ABI1: variants seen among roughly 807,000 people sequenced by gnomAD.
The protein encoded by ABI1 is abl interactor 1, also known as Abelson interactor 1.
In ABI1, 14 loss-of-function variants were observed where a neutral mutation model predicts 54.6. The observed-to-expected ratio is 0.26, with a 90% CI of 0.17 to 0.40. The LOEUF (loss-of-function observed/expected upper bound fraction) is 0.40, where lower values mean the gene tolerates loss of function less well. Among genes scored for constraint, ABI1 ranks in the 10% least tolerant of loss-of-function variants. ABI1 has a pLI of 1.00. For synonymous variants in ABI1, 194 were observed against 209.3 expected (o/e 0.93, Z 0.63); for missense variants, 443 against 598.3 (o/e 0.74, Z 2.71).
chr10:26,751,367 A>G (rs1461786561), intron 10 of ABI1, among the ~76,000 whole-genome samples: 1 of 151,570 alleles, frequency 6.6e-6, no homozygotes, highest in Non-Finnish European at 1.5e-5. Flanking sequence ...CTGAACGCAT[A>G]TGTAGTTTGA....
intron 1 of ABI1, among the ~76,000 whole-genome samples, chr10:26,833,435 T>C (rs2048816924): frequency 6.6e-6 from 1 of 152,170 alleles, no homozygotes; most frequent in Non-Finnish European, 1.5e-5. Context: ...CCCCAAACTC[T>C]TTTACCATCC....
intron 1 of ABI1, among the ~76,000 whole-genome samples, chr10:26,849,350 T>C (rs2050223791): frequency 6.6e-6 from 1 of 152,224 alleles, no homozygotes; most frequent in South Asian, 2.1e-4. Flanking sequence ...CCGGTTTCAC[T>C]TTAAAATGTT....
At position 26,777,043 on chromosome 10, in the gene ABI1, T is replaced by G. The variant is rs756213669; in HGVS notation, c.462+22A>C. 21 of 1,537,838 alleles carry G rather than the reference T, an allele frequency of 1.4e-5. No homozygotes were observed. The African/African-American group carries it at 2.9e-4, about 21-fold the overall frequency. On this transcript the variant is annotated intron_variant, in intron 3 of 10. Transcript: ENST00000376140. Reference sequence around the variant, plus strand: ...TTACTGGATATGCAAATTAGCTTGTTAATGTAATATAAAATGCTTACCTTG... The same window carrying G: ...TTACTGGATATGCAAATTAGCTTGTGAATGTAATATAAAATGCTTACCTTG...
chr10:26,850,311 A>C lies in ABI1; in HGVS notation c.117+10436T>G, dbSNP rs2050283473. Among the ~76,000 whole-genome samples, 4 of 152,374 alleles carry C rather than the reference A, an allele frequency of 2.6e-5. No individual in the cohort carries two copies. The South Asian group carries it at 8.3e-4, about 32-fold the overall frequency. On this transcript the variant is annotated intron_variant, in intron 1 of 10. Transcript: ENST00000376140. ...AGATATCCCTTTAAATGAATGTTTT[A>C]AACTGCTCAGTTTTAGTTTTAGTAC...
chr10:26,754,151 T>C (rs1245439622), intron 9 of ABI1, among the ~76,000 whole-genome samples: 1 of 152,174 alleles, frequency 6.6e-6, no homozygotes, highest in African/African-American at 2.4e-5. Flanking sequence ...CATCCATCCA[T>C]GCATTTATTT....
chr10:26,784,255 A>G (rs1842467200), intron 2 of ABI1, among the ~76,000 whole-genome samples: 2 of 152,208 alleles, frequency 1.3e-5, no homozygotes, highest in South Asian at 4.1e-4. Context: ...GCAGCAGAGG[A>G]TGGTCCAAGC....
In ABI1 at chr10:26,811,736, A is replaced by AATTTGTATAAATTTATGCAAAG. The variant is rs1564529105; in HGVS notation, c.285+11380_285+11401dup. The stretch of plus-strand genomic sequence containing the variant: ...CCAATCTCTGACAAAGATTTGTATA[A>AATTTGTATAAATTTATGCAAAG]ATTTGTATAAATTTATGCAAAGATT... On this transcript the variant is annotated intron_variant, in intron 2 of 10. Coordinates refer to ENST00000376140, the MANE Select transcript of ABI1 (RefSeq NM_001012750.3). Among the ~76,000 whole-genome samples, 36 of 24,674 alleles carry AATTTGTATAAATTTATGCAAAG rather than the reference A, an allele frequency of 1.5e-3. 4 individuals carry two copies. Among genetic ancestry groups the AATTTGTATAAATTTATGCAAAG allele is most frequent in the African/African-American group, 4.4e-3 (33 of 7,584 alleles). The allele number at this position is 24,674 out of a possible 152,430, so 16.2% of individuals were successfully genotyped here. A position where few individuals can be genotyped will look rare whatever the true frequency, so the allele number is the denominator to read the frequency against.
chr10:26,834,244 GA>G (rs909731353), intron 1 of ABI1, among the ~76,000 whole-genome samples: 21 of 151,066 alleles, frequency 1.4e-4, no homozygotes, highest in African/African-American at 4.1e-4. Context: ...ATACAAAAAA[GA>G]AAAAAAATTA....
intron 7 of ABI1, among the ~76,000 whole-genome samples, chr10:26,764,647 C>A (rs1481399991): frequency 1.3e-5 from 2 of 152,178 alleles, no homozygotes; most frequent in Non-Finnish European, 2.9e-5. Flanking sequence ...TCCCTGGATT[C>A]AATCAACCAT....
At chr10:26,764,465 A>G (rs547748223) in intron 7 of ABI1, among the ~76,000 whole-genome samples, 1 of 152,366 alleles carries the variant, frequency 6.6e-6, no homozygotes, top group African/African-American at 2.4e-5. Flanking sequence ...CAGAGTAGAT[A>G]CTGGCCTGTA....
chr10:26,792,417 A>T (rs1297195170), intron 2 of ABI1, among the ~76,000 whole-genome samples: 1 of 152,154 alleles, frequency 6.6e-6, no homozygotes, highest in Non-Finnish European at 1.5e-5. Flanking sequence ...GAGAGTGGGG[A>T]AAAAGGTCAA....
At chr10:26,766,992 C>T (rs1840044903) in intron 6 of ABI1, among the ~76,000 whole-genome samples, 1 of 152,006 alleles carries the variant, frequency 6.6e-6, no homozygotes. Flanking sequence ...TATATATGGC[C>T]CACGAATCCT....
intron 1 of ABI1, among the ~76,000 whole-genome samples, chr10:26,831,935 T>G (rs888020355): frequency 6.6e-6 from 1 of 152,230 alleles, no homozygotes; most frequent in Admixed American, 6.5e-5. Flanking sequence ...ACACCAATTC[T>G]GCAAACGCTG....
chr10:26,795,743 G>A (rs943005916), intron 2 of ABI1, among the ~76,000 whole-genome samples: 19 of 151,906 alleles, frequency 1.3e-4, no homozygotes, highest in Admixed American at 7.2e-4. Flanking sequence ...GAAAGAAACT[G>A]AAGACACAAA....
intron 2 of ABI1, among the ~76,000 whole-genome samples, chr10:26,798,535 T>G (rs2046347813): frequency 6.6e-6 from 1 of 152,080 alleles, no homozygotes; most frequent in South Asian, 2.1e-4. Flanking sequence ...CACAGCCCTA[T>G]CCACATATTA....
chr10:26,789,546 T>C (rs549115959), intron 2 of ABI1, among the ~76,000 whole-genome samples: 69 of 152,254 alleles, frequency 4.5e-4, no homozygotes, highest in Admixed American at 9.2e-4. Context: ...AATTACGCAG[T>C]GGTTCACAAA....
chr10:26,790,763 G>A (rs1030890596), intron 2 of ABI1: 2 of 152,134 alleles, frequency 1.3e-5, no homozygotes, highest in African/African-American at 4.8e-5. Context: ...GGTAATGCAA[G>A]AGGCATAATA....
rs2051198811 is a variant in ABI1 at position 26,860,319 on chromosome 10, C to G, written c.117+428G>C. Among the ~76,000 whole-genome samples the G allele has an allele frequency of 6.6e-6, 1 of 152,158 alleles. No homozygotes were observed. The highest frequency in any genetic ancestry group is 2.1e-4 in the South Asian group (1 of 4,826). On this transcript the variant is annotated intron_variant, in intron 1 of 10. Transcript: ENST00000376140. The surrounding 1 kb of genome is among the most constrained non-coding windows in gnomAD (Gnocchi z 4.1). ...TCCCTGCCCTCTCCTCTCCCCTCTC[C>G]CGTCCTGGACCTCCTCTCCCGGCGC...
At chr10:26,768,574 C>G (rs61848586) in intron 6 of ABI1, among the ~76,000 whole-genome samples, 4 of 151,736 alleles carry the variant, frequency 2.6e-5, no homozygotes, top group Non-Finnish European at 5.9e-5. Context: ...AGTCTTAACC[C>G]GTAGAGTCTG....
Sources: gnomAD v4.1 joint callset for allele counts (sites outside exome capture counted in the v4.1 genomes callset) on GRCh38, gnomAD v4.1.1 for gene constraint, Gnocchi (gnomAD v3.1) non-coding constraint, MANE v1.5 for transcripts, NCBI Gene and HGNC (gene_info 2026-07-23, HGNC 2026-07-21) for gene names.